ANK2: variants seen among roughly 807,000 people sequenced by gnomAD.
ANK2 encodes ankyrin 2, also known as ankyrin-2.
Under a neutral mutation model 360.5 loss-of-function variants are expected in ANK2, and 83 were observed. The ratio of observed to expected loss-of-function variants is 0.23; its 90% CI spans 0.19 to 0.28. ANK2 has a LOEUF of 0.28. Ranked by LOEUF, ANK2 falls within the 10% of genes least tolerant of loss-of-function variation. ANK2 has a pLI of 1.00. For synonymous variants in ANK2, 1,740 were observed against 1,759.5 expected, an observed-to-expected ratio of 0.99 and a Z score of 0.28; for missense variants, 4,201 against 4,795.7, an observed-to-expected ratio of 0.88 and a Z score of 3.66.
At chr4:113,095,792 T>C (rs144402303) in intron 1 of ANK2, among the ~76,000 whole-genome samples, 4 of 152,354 alleles carry the variant, frequency 2.6e-5, no homozygotes, top group African/African-American at 9.6e-5. Context: ...CTGTGCATGC[T>C]CATATTATGT....
rs189279917 is a variant in ANK2, at chr4:112,960,569, C to T, written c.21+56055C>T. On this transcript the variant is annotated intron_variant, in intron 2 of 30. Transcript: ENST00000503271. ...TATTTTAAAATAAACTATTAGTCTC[C>T]GACTTCAGGCACATCACAATGTCCC... Among the ~76,000 whole-genome samples the T allele has an allele frequency of 4.7e-4, 71 of 152,044 alleles. 1 individual carries two copies. Among genetic ancestry groups the T allele is most frequent in the African/African-American group, 1.6e-3 (66 of 41,466 alleles).
intron 1 of ANK2, chr4:113,160,442 T>C (rs2097487424): frequency 3.7e-6 from 1 of 273,898 alleles, no homozygotes; most frequent in Admixed American, 5.3e-5. Context: ...AGATATAAAT[T>C]TTGCTAATCA....
intron 1 of ANK2, among the ~76,000 whole-genome samples, chr4:113,109,435 C>T (rs1037352953): frequency 6.6e-6 from 1 of 151,956 alleles, no homozygotes; most frequent in African/African-American, 2.4e-5. Flanking sequence ...GCAATAAAAC[C>T]CAGGTTATAA....
chr4:113,311,522 T>G, intron 24 of ANK2, 123 bp downstream of exon 24: 1 of 1,268,682 alleles, frequency 7.9e-7, no homozygotes, highest in Admixed American at 2.0e-5. Flanking sequence ...ATCTCAGCAG[T>G]TAGCATGTTA....
chr4:113,084,077 C>A (rs1004713007), intron 1 of ANK2, among the ~76,000 whole-genome samples: 2 of 152,176 alleles, frequency 1.3e-5, no homozygotes, highest in Admixed American at 6.5e-5. Context: ...GAGACTGCTT[C>A]TAACCATTGG....
chr4:113,346,850 G>C (rs553472256), intron 35 of ANK2, among the ~76,000 whole-genome samples: 1 of 152,106 alleles, frequency 6.6e-6, no homozygotes, highest in Admixed American at 6.6e-5. Context: ...GTAATTCCTC[G>C]AATACTCTGA....
intron 1 of ANK2, among the ~76,000 whole-genome samples, chr4:113,054,323 A>ACG (rs70958496): frequency 4.8e-4 from 4 of 8,266 alleles, no homozygotes; most frequent in African/African-American, 1.1e-3. Flanking sequence ...TTTTGAAGGT[A>ACG]CACACACACA....
intron 2 of ANK2, among the ~76,000 whole-genome samples, chr4:113,175,512 C>T (rs926466572): frequency 1.3e-5 from 2 of 152,148 alleles, no homozygotes; most frequent in African/African-American, 2.4e-5. Flanking sequence ...TCTCTTTGTT[C>T]ACCTTCTGCA....
chr4:112,777,595 T>C, the ANK2 span, among the ~76,000 whole-genome samples: 3 of 149,462 alleles, frequency 2.0e-5, no homozygotes, highest in Non-Finnish European at 3.0e-5. Flanking sequence ...TTCAAAGTAG[T>C]TTTAAAAAAA....
chr4:112,875,110 C>T (rs1054876963), intron 1 of ANK2, among the ~76,000 whole-genome samples: 1 of 151,868 alleles, frequency 6.6e-6, no homozygotes, highest in African/African-American at 2.4e-5. Flanking sequence ...TAACCTCCGC[C>T]TCCTGGGTTC....
intron 1 of ANK2, among the ~76,000 whole-genome samples, chr4:112,829,154 A>G (rs558751583): frequency 6.6e-6 from 1 of 152,296 alleles, no homozygotes; most frequent in South Asian, 2.1e-4. Context: ...CTCTGTCTCA[A>G]AAATATAAAT....
chr4:113,331,065 A>G (rs1233228010), intron 27 of ANK2, among the ~76,000 whole-genome samples: 1 of 152,202 alleles, frequency 6.6e-6, no homozygotes, highest in Non-Finnish European at 1.5e-5. Flanking sequence ...AGCAGAATTT[A>G]GCATTTCTTC....
At chr4:113,036,050 A>AAC (rs1344152808) in intron 2 of ANK2, among the ~76,000 whole-genome samples, 3 of 151,918 alleles carry the variant, frequency 2.0e-5, no homozygotes, top group Non-Finnish European at 4.4e-5. Flanking sequence ...ACCTTGAGAA[A>AAC]ATTAGTTTCC....
At chr4:112,930,448 CAAA>C (rs11427035) in intron 2 of ANK2, among the ~76,000 whole-genome samples, 2 of 122,324 alleles carry the variant, frequency 1.6e-5, no homozygotes, top group Non-Finnish European at 1.7e-5. Context: ...GACCCTGTCT[CAAA>C]AAAAAAAAAA....
At chr4:113,008,891 A>G (rs957016308) in intron 2 of ANK2, among the ~76,000 whole-genome samples, 3 of 152,202 alleles carry the variant, frequency 2.0e-5, no homozygotes, top group Admixed American at 1.3e-4. Flanking sequence ...AAAAGGGCTC[A>G]GTGACCACAG....
the ANK2 span, among the ~76,000 whole-genome samples, chr4:112,729,795 T>C: frequency 6.7e-6 from 1 of 149,234 alleles, no homozygotes; most frequent in Non-Finnish European, 1.5e-5. Context: ...GAAAATCTGG[T>C]ATATATGCAC....
chr4:112,982,542 A>C, intron 2 of ANK2, among the ~76,000 whole-genome samples: 1 of 152,242 alleles, frequency 6.6e-6, no homozygotes, highest in East Asian at 1.9e-4. Context: ...GAAATTTAAA[A>C]AAATTATTGA....
At chr4:112,967,853 G>A (rs906798633) in intron 2 of ANK2, among the ~76,000 whole-genome samples, 1 of 152,154 alleles carries the variant, frequency 6.6e-6, no homozygotes, top group African/African-American at 2.4e-5. Flanking sequence ...CTCTCAGCTT[G>A]AGTTGAAAAG....
intron 1 of ANK2, among the ~76,000 whole-genome samples, chr4:112,825,771 T>C (rs1230700409): frequency 6.6e-6 from 1 of 152,198 alleles, no homozygotes; most frequent in Non-Finnish European, 1.5e-5. Flanking sequence ...TTAGGTTTGA[T>C]GAAGAGTAGA....
Sources: gnomAD v4.1 joint callset for allele counts (sites outside exome capture counted in the v4.1 genomes callset) on GRCh38, gnomAD v4.1.1 for gene constraint, MANE v1.5 for transcripts, NCBI Gene and HGNC (gene_info 2026-07-23, HGNC 2026-07-21) for gene names.